Variants in YY1 observed in about 807,000 individuals in gnomAD.
YY1 encodes the protein transcriptional repressor protein YY1.
A neutral mutation model predicts 35.6 loss-of-function variants in YY1; 2 were observed. The ratio of observed to expected loss-of-function variants is 0.06; its 90% confidence interval spans 0.02 to 0.18. The LOEUF (loss-of-function observed/expected upper bound fraction) is 0.18, where lower values mean the gene tolerates loss of function less well. YY1 is among the 10% of genes least tolerant of loss of function. The pLI is 1.00. For synonymous variants in YY1, 268 were observed against 238.9 expected (o/e 1.12, Z -1.12); for missense variants, 322 against 573.4 (o/e 0.56, Z 4.48).
intron 1 of YY1, among the ~76,000 whole-genome samples, chr14:100,240,174 G>T: frequency 6.9e-6 from 1 of 145,922 alleles, no homozygotes; most frequent in East Asian, 2.0e-4. Context: ...TCTCCGAGAG[G>T]GGGAAGCGCC....
rs1337615241 is a variant in YY1 at position 100,276,256 on chromosome 14, C to CT, written c.904-233dup. 1.1e-5 allele frequency: 6 copies of CT among 554,514 alleles called. No individual in the cohort carries two copies. The highest frequency in any genetic ancestry group is 6.2e-5 in the Admixed American group (2 of 32,272). The allele number at this position is 554,514 out of a possible 1,614,324, so 34.3% of individuals were successfully genotyped here. ...TGGGCAAGTCTACTTAAAGACATCT[C>CT]TAAGCCTCAGTTTCCTCATCTGTAA... On this transcript the variant is annotated intron_variant, in intron 3 of 4. Transcript: ENST00000262238. The surrounding 1 kb of genome is among the most constrained non-coding windows in gnomAD (Gnocchi z 4.1).
chr14:100,269,083 G>A (rs1211279077), intron 2 of YY1, among the ~76,000 whole-genome samples: 2 of 152,188 alleles, frequency 1.3e-5, no homozygotes, highest in African/African-American at 4.8e-5. Context: ...CTATTTGACA[G>A]GAAACTTGAG....
intron 1 of YY1, among the ~76,000 whole-genome samples, chr14:100,254,775 A>AC (rs1890977020): frequency 6.9e-6 from 1 of 144,454 alleles, no homozygotes; most frequent in South Asian, 2.2e-4. Flanking sequence ...TTATTTATTT[A>AC]TTTTTTTTTT....
In YY1 at chr14:100,276,438, CCTTT is replaced by C. The variant is rs1469794259; in HGVS notation, c.904-49_904-46del. The C allele has an allele frequency of 1.1e-5, 17 of 1,613,158 alleles. No homozygotes were observed. The highest frequency in any genetic ancestry group is 1.3e-5 in the African/African-American group (1 of 74,860). ...AGTAAAGGCTGTTAAATGGTTGAATCCTTTCTAACAGTTTGCAATGTGAACTTCT... is the reference window on the plus strand; with the variant it reads ...AGTAAAGGCTGTTAAATGGTTGAATCCTAACAGTTTGCAATGTGAACTTCT... On this transcript the variant is annotated intron_variant, in intron 3 of 4. Coordinates refer to ENST00000262238, the MANE Select transcript of YY1 (RefSeq NM_003403.5). This position sits in a 1 kb window ranked among gnomAD's most constrained non-coding sequence, Gnocchi z 4.1.
rs536183767 is a variant in YY1, at chr14:100,249,048, T to A, written c.679+9125T>A. On this transcript the variant is annotated intron_variant, in intron 1 of 4. Transcript: ENST00000262238. ...TTTACACAGTGGTTTCAAATGTGGT[T>A]TAGCATTAAAACAATATAAATGGTT... Among the ~76,000 whole-genome samples, 3 of 151,406 alleles carry A rather than the reference T, an allele frequency of 2.0e-5. No individual in the cohort carries two copies. In the East Asian group the frequency reaches 5.8e-4, roughly 29 times the overall value.
At chr14:100,241,298 G>T (rs1486259280) in intron 1 of YY1, among the ~76,000 whole-genome samples, 1 of 152,094 alleles carries the variant, frequency 6.6e-6, no homozygotes, top group African/African-American at 2.4e-5. Flanking sequence ...GAACTGAATG[G>T]AGACTCAAAA....
At chr14:100,265,908 A>G (rs1397238265) in intron 2 of YY1, among the ~76,000 whole-genome samples, 1 of 152,064 alleles carries the variant, frequency 6.6e-6, no homozygotes, top group Non-Finnish European at 1.5e-5. Flanking sequence ...CGGCCTCCCA[A>G]AGGGCTGGGA....
chr14:100,247,955 T>C (rs1186443431), intron 1 of YY1, among the ~76,000 whole-genome samples: 1 of 152,058 alleles, frequency 6.6e-6, no homozygotes, highest in Non-Finnish European at 1.5e-5. Context: ...TTTCTTTCTT[T>C]CTTTCTTTTT....
chr14:100,254,496 C>T (rs1352619896), intron 1 of YY1, among the ~76,000 whole-genome samples: 1 of 151,998 alleles, frequency 6.6e-6, no homozygotes, highest in Admixed American at 6.6e-5. Flanking sequence ...CTTACTCTGT[C>T]GCCCAGGCTG....
At chr14:100,242,372 T>C (rs534403424) in intron 1 of YY1, among the ~76,000 whole-genome samples, 1,356 of 63,014 alleles carry the variant, frequency 0.022, 31 homozygotes, top group East Asian at 0.13. Context: ...TTTTGTTTTG[T>C]TTTTTGTTTT....
At chr14:100,245,553 A>G (rs1048912191) in intron 1 of YY1, among the ~76,000 whole-genome samples, 2 of 152,100 alleles carry the variant, frequency 1.3e-5, no homozygotes, top group African/African-American at 4.8e-5. Context: ...ACAGTACTAT[A>G]TATTTTTTCC....
chr14:100,266,219 A>C (rs1891153015), intron 2 of YY1, among the ~76,000 whole-genome samples: 1 of 152,118 alleles, frequency 6.6e-6, no homozygotes, highest in Non-Finnish European at 1.5e-5. Flanking sequence ...GATAGAATTC[A>C]AGTTGAGATT....
At chr14:100,260,840 TGCAGTGAC>T (rs142053730) in intron 1 of YY1, among the ~76,000 whole-genome samples, 6,357 of 123,636 alleles carry the variant, frequency 0.051, 178 homozygotes, top group African/African-American at 0.062. Context: ...AGACTGAAGT[TGCAGTGAC>T]GCAGTGACGT....
At chr14:100,257,538 A>C (rs1359620038) in intron 1 of YY1, among the ~76,000 whole-genome samples, 1 of 152,136 alleles carries the variant, frequency 6.6e-6, no homozygotes, top group East Asian at 1.9e-4. Context: ...TTTAGGTCTG[A>C]GGGTAGAACC....
intron 2 of YY1, among the ~76,000 whole-genome samples, chr14:100,271,322 C>T (rs1891235838): frequency 6.6e-6 from 1 of 152,040 alleles, no homozygotes; most frequent in South Asian, 2.1e-4. Flanking sequence ...TCATATCAAT[C>T]ACTGTTATTT....
At position 100,278,239 on chromosome 14, in the gene YY1, TGTA is replaced by T. The variant is rs752632596; in HGVS notation, c.*643_*645del. On this transcript the variant is annotated 3_prime_UTR_variant, in exon 5 of 5. Transcript: ENST00000262238. ...TGTATCGTATAGCTGTATTGAATCA[TGTA>T]GTATCAAATATTAGATGTGATTTAA... 5 of 152,990 alleles carry T rather than the reference TGTA, an allele frequency of 3.3e-5. No homozygotes were observed. Among genetic ancestry groups the T allele is most frequent in the Admixed American group, 1.3e-4 (2 of 15,318 alleles). The allele number at this position is 152,990 out of a possible 1,614,324, so 9.5% of individuals were successfully genotyped here. A position where few individuals can be genotyped will look rare whatever the true frequency, so the allele number is the denominator to read the frequency against.
intron 1 of YY1, among the ~76,000 whole-genome samples, chr14:100,244,395 G>A (rs1437767751): frequency 7.5e-6 from 1 of 133,666 alleles, no homozygotes; most frequent in Non-Finnish European, 1.5e-5. Flanking sequence ...GTGAGATCTC[G>A]GCTCACTGCA....
chr14:100,245,158 G>C (rs1041933575), intron 1 of YY1, among the ~76,000 whole-genome samples: 3 of 151,644 alleles, frequency 2.0e-5, no homozygotes, highest in African/African-American at 4.8e-5. Context: ...GGATGGTCTC[G>C]ATCTCCTGAC....
chr14:100,268,767 C>T (rs1038541056), intron 2 of YY1, among the ~76,000 whole-genome samples: 2 of 152,182 alleles, frequency 1.3e-5, no homozygotes, highest in South Asian at 2.1e-4. Flanking sequence ...AGCCGTATTA[C>T]GCAGGAACTT....
Sources: gnomAD v4.1 joint callset for allele counts (sites outside exome capture counted in the v4.1 genomes callset) on GRCh38, gnomAD v4.1.1 for gene constraint, Gnocchi (gnomAD v3.1) non-coding constraint, MANE v1.5 for transcripts, NCBI Gene and HGNC (gene_info 2026-07-23, HGNC 2026-07-21) for gene names.